APOB: variants seen among roughly 807,000 people sequenced by gnomAD.
The protein encoded by APOB is apolipoprotein B, also known as apolipoprotein B-100.
In APOB, 153 loss-of-function variants were observed where a neutral mutation model predicts 314.1. That is an observed-to-expected ratio of 0.49 (90% CI 0.43 to 0.56). The LOEUF (loss-of-function observed/expected upper bound fraction) is 0.56. APOB is among the 20% of genes least tolerant of loss of function. APOB has a pLI of 0.00. For synonymous variants in APOB, 2,087 were observed against 2,036.4 expected, an observed-to-expected ratio of 1.02 and a Z score of -0.67; for missense variants, 5,430 against 5,350.7, an observed-to-expected ratio of 1.01 and a Z score of -0.46.
intron 6 of APOB, 40 bp downstream of exon 6, chr2:21,037,060 T>C (rs1198641686): frequency 1.2e-6 from 2 of 1,613,234 alleles, no homozygotes; most frequent in Admixed American, 1.7e-5. Flanking sequence ...AATAAGAGGA[T>C]GCTCCTTGCT....
chr2:21,037,831 T>C, intron 5 of APOB, 127 bp downstream of exon 5: 1 of 1,243,444 alleles, frequency 8.0e-7, no homozygotes, highest in Admixed American at 1.7e-5. Flanking sequence ...TTCACGCCAA[T>C]CCAGGGCTTC....
At chr2:21,027,474 C>T (rs570510147) in intron 14 of APOB, among the ~76,000 whole-genome samples, 9 of 152,046 alleles carry the variant, frequency 5.9e-5, no homozygotes, top group Admixed American at 1.3e-4. Flanking sequence ...CCACCACGCC[C>T]GGCTAATTTT....
At position 21,016,524 on chromosome 2, in the gene APOB, A is replaced by C. The variant is rs1398449324; in HGVS notation, c.3247T>G (p.Ser1083Ala). 4.4e-6 allele frequency: 7 copies of C among 1,606,142 alleles called. No homozygotes were observed. Among genetic ancestry groups the C allele is most frequent in the Non-Finnish European group, 6.0e-6 (7 of 1,172,708 alleles). The part of the protein sequence containing the change: ...LGTILRVNDE[S>A]TEGKTSYRLT... ...CTGTAAGACGTTTTGCCCTCAGTAG[A>C]TTCATCATTAACTCTGAGGATTGTT... The change falls in exon 21 of 29, where the codon TCT becomes GCT. Residue 1083 changes from serine (S) to alanine (A), a missense_variant. Physicochemically the swap from Ser to Ala is moderately conservative, Grantham distance 99. This residue lies in a region of APOB where 2,085 missense variants were observed against 2,079.7 expected (regional missense o/e 1.00). Transcript: ENST00000233242.
At position 21,024,468 on chromosome 2, in the gene APOB, A is replaced by G. The variant is rs1663685393; in HGVS notation, c.2436+465T>C. On this transcript the variant is annotated intron_variant, in intron 16 of 28. Transcript: ENST00000233242. ...GGCTTGTCTCTACTAAAGATACACA[A>G]ATTAGCCGGGCATGCTGGTGCACGT... is the stretch of plus-strand genomic sequence containing the variant. 4 of 219,572 alleles carry G rather than the reference A, an allele frequency of 1.8e-5. 1 individual carries two copies. Among genetic ancestry groups the G allele is most frequent in the Admixed American group, 1.1e-4 (2 of 18,712 alleles). The allele number at this position is 219,572 out of a possible 1,614,324, so 13.6% of individuals were successfully genotyped here.
At chr2:21,043,830 T>C in intron 1 of APOB, 34 bp downstream of exon 1, 1 of 1,533,610 alleles carries the variant, frequency 6.5e-7, no homozygotes, top group South Asian at 1.2e-5. Context: ...TCCCTCCCGC[T>C]CCCTCTGCGC....
chr2:21,034,652 G>C lies in APOB; in HGVS notation c.904+164C>G, dbSNP rs946293364. On this transcript the variant is annotated intron_variant, in intron 8 of 28. Transcript: ENST00000233242. ...CTTTTCCTTTATGCCATTGCAACTTGACATCATGAAATGAGTTTGCTTTCT... is the reference window on the plus strand; with the variant it reads ...CTTTTCCTTTATGCCATTGCAACTTCACATCATGAAATGAGTTTGCTTTCT... 3.3e-5 allele frequency among the ~76,000 whole-genome samples: 5 copies of C among 152,200 alleles called. No homozygotes were observed. In the South Asian group the frequency reaches 6.2e-4, roughly 19 times the overall value.
Position 21,022,892 on chromosome 2 carries a change from C to G in APOB, c.2755G>C (p.Ala919Pro), listed in dbSNP as rs1443913485. 3 of 1,614,056 alleles carry G rather than the reference C, an allele frequency of 1.9e-6. No individual in the cohort carries two copies. Among genetic ancestry groups the G allele is most frequent in the Admixed American group, 1.7e-5 (1 of 59,996 alleles). ...GGAATGATAAACTTCAGCTTCCCAGCTTTTAGGGCAACATGAGCCTCCAGA... is the reference window on the plus strand; with the variant it reads ...GGAATGATAAACTTCAGCTTCCCAGGTTTTAGGGCAACATGAGCCTCCAGA... Reference protein sequence around the residue: ...SGLEAHVALKAGKLKFIIPSP... With the variant: ...SGLEAHVALKPGKLKFIIPSP... The change falls in exon 18 of 29, where the codon GCT becomes CCT. Residue 919 changes from alanine to proline, a missense_variant. By Grantham distance (27) the Ala-to-Pro change is conservative. Around this residue, in one of 3 missense-constraint regions of APOB, gnomAD observed 2,085 missense variants for 2,079.7 expected, o/e 1.00. Transcript: ENST00000233242.
At position 21,030,804 on chromosome 2, in the gene APOB, A is replaced by T. The variant is rs538785397; in HGVS notation, c.1353-789T>A. Among the ~76,000 whole-genome samples the T allele has an allele frequency of 8.5e-5, 13 of 152,278 alleles. No individual in the cohort carries two copies. The South Asian group carries it at 2.5e-3, about 29-fold the overall frequency. On this transcript the variant is annotated intron_variant, in intron 10 of 28. Coordinates refer to ENST00000233242, the MANE Select transcript of APOB (RefSeq NM_000384.3). ...AAGTAGGCAAAGGACATGAATAGAC[A>T]TTTTTTTCAAAAGAAGACATACAAA...
At chr2:21,042,718 G>A (rs559619206) in intron 2 of APOB, among the ~76,000 whole-genome samples, 26 of 152,216 alleles carry the variant, frequency 1.7e-4, no homozygotes, top group African/African-American at 6.0e-4. Flanking sequence ...GCACAGGGAA[G>A]GGAGTGACAA....
chr2:21,043,791 G>C, intron 1 of APOB, 73 bp downstream of exon 1: 1 of 1,521,488 alleles, frequency 6.6e-7, no homozygotes, highest in Non-Finnish European at 8.8e-7. Flanking sequence ...CTAGGCCCAG[G>C]CTGCCCCGGC....
rs1558270127 is a variant in APOB at position 21,043,925 on chromosome 2, C to T, written c.21G>A (p.Ala7=). The change falls in exon 1 of 29, where the codon GCG becomes GCA. Residue 7 remains alanine, a synonymous_variant. Coordinates refer to ENST00000233242, the MANE Select transcript of APOB (RefSeq NM_000384.3). ...CAGGCAGCGCCAGCAGCGCCAGCAG[C>T]GCGGGCCTCGGCGGGTCCATCGCCA... is the stretch of plus-strand genomic sequence containing the variant. MDPPRP[A]LLALLALPAL... 2.9e-6 allele frequency: 4 copies of T among 1,393,426 alleles called. No homozygotes were observed. The highest frequency in any genetic ancestry group is 3.7e-6 in the Non-Finnish European group (4 of 1,074,946). 86.3% of individuals were successfully genotyped at this position (1,393,426 alleles called of 1,614,324 possible).
chr2:21,005,635 C>T lies in APOB; in HGVS notation c.11233G>A (p.Val3745Ile), dbSNP rs147564959. The T allele has an allele frequency of 2.3e-4, 364 of 1,614,006 alleles. 1 individual carries two copies. The highest frequency in any genetic ancestry group is 2.9e-4 in the Non-Finnish European group (348 of 1,179,976). ...AATGGGACATGGAACGTAGGCATGA[C>T]AAGAACTGAATTTAGATCATTTAGT... ...LKLNDLNSVL[V>I]MPTFHVPFTD... Residue 3745 changes from valine (V) to isoleucine (I), a missense_variant, in exon 26 of 29, where the codon GTC becomes ATC. Transcript: ENST00000233242.
chr2:21,042,253 G>T lies in APOB; in HGVS notation c.237+108C>A, dbSNP rs537340161. 7.7e-4 allele frequency: 632 copies of T among 825,420 alleles called. 5 individuals carry two copies. Among genetic ancestry groups the T allele is most frequent in the South Asian group, 4.8e-3 (360 of 74,802 alleles). 51.1% of individuals were successfully genotyped at this position (825,420 alleles called of 1,614,324 possible). The stretch of plus-strand genomic sequence containing the variant: ...TTACAACAGTTCTGGGATGTTCTGC[G>T]TTTGCTCAGTACACACCCTCCGGGA... On this transcript the variant is annotated intron_variant, in intron 3 of 28. Transcript: ENST00000233242.
At chr2:21,043,423 C>A in intron 2 of APOB, 90 bp downstream of exon 2, 2 of 1,446,596 alleles carry the variant, frequency 1.4e-6, no homozygotes, top group Non-Finnish European at 1.9e-6. Flanking sequence ...GCCATCTCAG[C>A]CCTGTAGAGT....
Position 21,009,310 on chromosome 2 carries a change from G to C in APOB, c.7558C>G (p.Arg2520Gly), listed in dbSNP as rs746483297. Residue 2520 changes from arginine to glycine, a missense_variant, in exon 26 of 29, where the codon CGA becomes GGA. Physicochemically the swap from Arg to Gly is moderately radical, Grantham distance 125. Around this residue, in one of 3 missense-constraint regions of APOB, gnomAD observed 3,281 missense variants for 3,171.0 expected, o/e 1.03. Coordinates refer to ENST00000233242, the MANE Select transcript of APOB (RefSeq NM_000384.3). ...ATGTCCATTTGATACATTCGGTCTC[G>C]TGTATCTTCTAGGGTCTCTCGGAAT... ...AKFRETLEDT[R>G]DRMYQMDIQQ... 1 of 1,614,072 alleles carries C rather than the reference G, an allele frequency of 6.2e-7. No homozygotes were observed. The highest frequency in any genetic ancestry group is 1.1e-5 in the South Asian group (1 of 91,066).
chr2:21,025,096 A>G lies in APOB; in HGVS notation c.2273T>C (p.Val758Ala), dbSNP rs769839718. ...TTTCAAATCTTTAATCAGCTTCTCA[A>G]CACTGAGCATTATTCCATTTACCAT... Reference protein sequence around the residue: ...QDMVNGIMLSVEKLIKDLKSK... With the variant: ...QDMVNGIMLSAEKLIKDLKSK... Residue 758 changes from valine (V) to alanine (A), a missense_variant, in exon 16 of 29, where the codon GTT becomes GCT. Val to Ala is a moderately conservative substitution (Grantham distance 64). This residue lies in a region of APOB where 2,085 missense variants were observed against 2,079.7 expected (regional missense o/e 1.00). Transcript: ENST00000233242. 1 of 1,614,216 alleles carries G rather than the reference A, an allele frequency of 6.2e-7. No individual in the cohort carries two copies. The highest frequency in any genetic ancestry group is 1.1e-5 in the South Asian group (1 of 91,084).
chr2:21,010,691 C>T lies in APOB; in HGVS notation c.6177G>A (p.Lys2059=), dbSNP rs1663288729. 1.2e-6 allele frequency: 2 copies of T among 1,614,000 alleles called. No individual in the cohort carries two copies. Among genetic ancestry groups the T allele is most frequent in the South Asian group, 1.1e-5 (1 of 91,044 alleles). Reference sequence around the variant, plus strand: ...AGTGAACATCTTGGTTTTTATCATACTTTACAAAAGCAACAATTGTAAATT... The same window carrying T: ...AGTGAACATCTTGGTTTTTATCATATTTTACAAAAGCAACAATTGTAAATT... ...PQEFTIVAFV[K]YDKNQDVHSI... Residue 2059 remains lysine, a synonymous_variant, in exon 26 of 29, where the codon AAG becomes AAA. Coordinates refer to ENST00000233242, the MANE Select transcript of APOB (RefSeq NM_000384.3).
chr2:21,014,648 C>T, intron 23 of APOB, 55 bp from the exon 24 acceptor site: 1 of 1,594,026 alleles, frequency 6.3e-7, no homozygotes, highest in Non-Finnish European at 8.6e-7. Context: ...CCTCAAAGAG[C>T]AATGAACATT....
At chr2:21,032,263 G>A in intron 10 of APOB, 91 bp downstream of exon 10, 1 of 1,167,578 alleles carries the variant, frequency 8.6e-7, no homozygotes, top group South Asian at 1.2e-5. Context: ...GTTTGAAAGT[G>A]GAAGGAGGGG....
Sources: allele counts gnomAD v4.1 joint callset (sites outside exome capture counted in the v4.1 genomes callset), GRCh38; gene constraint gnomAD v4.1.1; regional missense constraint gnomAD v4.1.1; transcripts MANE v1.5; gene names NCBI Gene and HGNC (gene_info 2026-07-23, HGNC 2026-07-21).